Variants in UNC5C observed in about 807,000 individuals in gnomAD.
UNC5C encodes netrin receptor UNC5C.
Under a neutral mutation model 99.8 loss-of-function variants are expected in UNC5C, and 47 were observed. The observed-to-expected ratio is 0.47, with a 90% CI of 0.37 to 0.60. The LOEUF (loss-of-function observed/expected upper bound fraction) is 0.60. UNC5C is among the 20% of genes least tolerant of loss of function. The pLI, the probability that UNC5C is intolerant of heterozygous loss-of-function variation, is 0.00. For missense variants in UNC5C, 1,062 were observed against 1,165.9 expected (o/e 0.91, Z 1.30); for synonymous variants, 487 against 452.2 (o/e 1.08, Z -0.98).
At chr4:95,476,837 C>T (rs265057) in intron 1 of UNC5C, among the ~76,000 whole-genome samples, 37,581 of 151,920 alleles carry the variant, frequency 0.25, 6,650 homozygotes, top group African/African-American at 0.49. Context: ...AAAACCAAGG[C>T]TAGCAGAGAT....
Position 95,219,043 on chromosome 4 carries a change from C to T in UNC5C, c.1571G>A (p.Arg524Lys), listed in dbSNP as rs779435582. 1.2e-6 allele frequency: 2 copies of T among 1,614,042 alleles called. No homozygotes were observed. Among genetic ancestry groups the T allele is most frequent in the Middle Eastern group, 1.6e-4 (1 of 6,084 alleles). Residue 524 changes from arginine (R) to lysine (K), a missense_variant, in exon 9 of 16, where the codon AGG becomes AAG. Arg to Lys is a conservative substitution (Grantham distance 26). Transcript: ENST00000453304. Reference sequence around the variant, plus strand: ...TGCGGTACAGGATGGATCAGTCTGCCTTGCTAGACTCTGGTTCTTCAGGCT... The same window carrying T: ...TGCGGTACAGGATGGATCAGTCTGCTTTGCTAGACTCTGGTTCTTCAGGCT... ...ALSLKNQSLARQTDPSCTAFG... is the reference protein window; with the variant it reads ...ALSLKNQSLAKQTDPSCTAFG...
chr4:95,522,842 G>A (rs548532190), intron 1 of UNC5C, among the ~76,000 whole-genome samples: 11 of 152,038 alleles, frequency 7.2e-5, no homozygotes, highest in African/African-American at 1.9e-4. Flanking sequence ...ACATGTTCTC[G>A]TAATTGTTCT....
intron 1 of UNC5C, among the ~76,000 whole-genome samples, chr4:95,443,738 T>C (rs1340358257): frequency 2.0e-5 from 3 of 152,138 alleles, no homozygotes; most frequent in Admixed American, 6.5e-5. Flanking sequence ...TATAGAAAAG[T>C]TTATTTGAAC....
At chr4:95,410,938 G>T (rs1355181356) in intron 1 of UNC5C, among the ~76,000 whole-genome samples, 1 of 152,148 alleles carries the variant, frequency 6.6e-6, no homozygotes, top group Non-Finnish European at 1.5e-5. Context: ...GGTTTGGAGG[G>T]CAGAGGAATA....
At chr4:95,227,334 G>T (rs1226102070) in intron 7 of UNC5C, among the ~76,000 whole-genome samples, 1 of 150,972 alleles carries the variant, frequency 6.6e-6, no homozygotes, top group African/African-American at 2.4e-5. Flanking sequence ...AATTTTTTTT[G>T]TAGAGATGGG....
intron 4 of UNC5C, among the ~76,000 whole-genome samples, chr4:95,265,209 C>A (rs1740398234): frequency 6.6e-6 from 1 of 152,164 alleles, no homozygotes; most frequent in African/African-American, 2.4e-5. Flanking sequence ...AAATCGTTAT[C>A]TTCAGTCCCA....
chr4:95,223,420 A>AATAC (rs1295797338), intron 7 of UNC5C, among the ~76,000 whole-genome samples: 1 of 152,202 alleles, frequency 6.6e-6, no homozygotes, highest in Non-Finnish European at 1.5e-5. Context: ...ATAAAGCTGT[A>AATAC]ATACTAAAAG....
rs376231338 is a variant in UNC5C, at chr4:95,210,837, T to C, written c.1734-4041A>G. Among the ~76,000 whole-genome samples the C allele has an allele frequency of 9.9e-5, 15 of 152,282 alleles. No individual in the cohort carries two copies. The South Asian group carries it at 3.1e-3, about 32-fold the overall frequency. On this transcript the variant is annotated intron_variant, in intron 10 of 15. Coordinates refer to ENST00000453304, the MANE Select transcript of UNC5C (RefSeq NM_003728.4). ...GCTTGTCATTATCAGTGAGGAGAAC[T>C]TCTAATCAAGAGTGCATAATTTACA...
chr4:95,172,178 A>AT (rs1228991413), intron 14 of UNC5C, among the ~76,000 whole-genome samples: 3 of 149,536 alleles, frequency 2.0e-5, no homozygotes, highest in Non-Finnish European at 1.5e-5. Context: ...ATTTTCTCCC[A>AT]TTTTGTAGGT....
intron 2 of UNC5C, among the ~76,000 whole-genome samples, chr4:95,326,448 GTTC>G (rs139853317): frequency 0.013 from 1,973 of 152,228 alleles, 44 homozygotes; most frequent in African/African-American, 0.044. Flanking sequence ...CTGAGCCTGA[GTTC>G]TTCTTAAAAA....
chr4:95,410,484 G>A (rs1255039150), intron 1 of UNC5C, among the ~76,000 whole-genome samples: 3 of 152,156 alleles, frequency 2.0e-5, no homozygotes, highest in Non-Finnish European at 4.4e-5. Context: ...TTATTTTTCA[G>A]TGAGGAAGAG....
intron 4 of UNC5C, among the ~76,000 whole-genome samples, chr4:95,271,720 G>A (rs1186415635): frequency 6.6e-6 from 1 of 152,180 alleles, no homozygotes; most frequent in Non-Finnish European, 1.5e-5. Flanking sequence ...TATTTTCCAT[G>A]CAGCAACCAG....
chr4:95,325,403 A>C (rs1412019585), intron 2 of UNC5C, among the ~76,000 whole-genome samples: 1 of 151,390 alleles, frequency 6.6e-6, no homozygotes, highest in Non-Finnish European at 1.5e-5. Context: ...AAAGAGTAGA[A>C]GGGGAGTATA....
At chr4:95,251,870 A>G (rs1739751071) in intron 4 of UNC5C, among the ~76,000 whole-genome samples, 1 of 152,210 alleles carries the variant, frequency 6.6e-6, no homozygotes. Flanking sequence ...AGAAGCCAAC[A>G]TTTATAGAGA....
chr4:95,450,495 T>C (rs1020465216), intron 1 of UNC5C, among the ~76,000 whole-genome samples: 1 of 152,232 alleles, frequency 6.6e-6, no homozygotes, highest in African/African-American at 2.4e-5. Context: ...CATAAGCCAC[T>C]GCACCTGGCC....
chr4:95,453,814 G>A (rs1478813060), intron 1 of UNC5C, among the ~76,000 whole-genome samples: 3 of 152,102 alleles, frequency 2.0e-5, no homozygotes, highest in East Asian at 1.9e-4. Context: ...TCTTGTCAGA[G>A]TTTCCAGGAA....
chr4:95,264,981 A>G (rs765458832), intron 4 of UNC5C, among the ~76,000 whole-genome samples: 1 of 152,058 alleles, frequency 6.6e-6, no homozygotes, highest in Non-Finnish European at 1.5e-5. Context: ...TCTACTTTAT[A>G]TCATGGTCCT....
At chr4:95,182,095 A>G (rs923398990) in intron 14 of UNC5C, among the ~76,000 whole-genome samples, 4 of 151,944 alleles carry the variant, frequency 2.6e-5, no homozygotes, top group South Asian at 2.1e-4. Context: ...AGGGTTATCA[A>G]TTTTCAAGGC....
At chr4:95,257,698 C>G (rs1420701351) in intron 4 of UNC5C, among the ~76,000 whole-genome samples, 1 of 152,174 alleles carries the variant, frequency 6.6e-6, no homozygotes, top group Non-Finnish European at 1.5e-5. Context: ...AGGTAAGTTG[C>G]TAAAAATTCC....
Sources: allele counts gnomAD v4.1 joint callset (sites outside exome capture counted in the v4.1 genomes callset), GRCh38; gene constraint gnomAD v4.1.1; transcripts MANE v1.5; gene names NCBI Gene and HGNC (gene_info 2026-07-23, HGNC 2026-07-21).